CFAP99: variants seen among roughly 807,000 people sequenced by gnomAD.
CFAP99 encodes cilia and flagella associated protein 99, also known as cilia- and flagella-associated protein 99.
CFAP99 carries 84 observed loss-of-function variants against 82.7 expected under a neutral mutation model. The observed-to-expected ratio is 1.02, with a 90% confidence interval of 0.85 to 1.22. The LOEUF (loss-of-function observed/expected upper bound fraction) is 1.22, where lower values mean the gene tolerates loss of function less well. Ranked by LOEUF, CFAP99 falls within the 50% of genes most tolerant of loss-of-function variation. The pLI is 0.00. For synonymous variants in CFAP99, 456 were observed against 429.5 expected (o/e 1.06, Z -0.76); for missense variants, 1,059 against 983.5 (o/e 1.08, Z -1.03).
intron 8 of CFAP99, 155 bp downstream of exon 8, chr4:2,450,160 C>G (rs1734269875): frequency 2.6e-6 from 2 of 758,458 alleles, no homozygotes; most frequent in African/African-American, 3.4e-5. Flanking sequence ...GGAAAGTGTG[C>G]CTTGAGCCCA....
intron 4 of CFAP99, 36 bp downstream of exon 4, chr4:2,438,200 C>A: frequency 7.9e-7 from 1 of 1,266,652 alleles, no homozygotes. Context: ...GGCCACGAGG[C>A]CCACGGGTGA....
At chr4:2,456,521 ATGTT>A (rs1361744890) in intron 11 of CFAP99, among the ~76,000 whole-genome samples, 17 of 152,120 alleles carry the variant, frequency 1.1e-4, no homozygotes, top group Non-Finnish European at 2.4e-4. Flanking sequence ...TACAAAAAAA[ATGTT>A]TGTTTGTTTT....
At chr4:2,455,397 G>A (rs970224600) in intron 11 of CFAP99, among the ~76,000 whole-genome samples, 5 of 152,220 alleles carry the variant, frequency 3.3e-5, no homozygotes, top group Non-Finnish European at 7.3e-5. Flanking sequence ...TCTTGGCTGG[G>A]TGTGGTGGCT....
intron 2 of CFAP99, among the ~76,000 whole-genome samples, chr4:2,433,422 C>T (rs1413738272): frequency 1.4e-5 from 2 of 141,710 alleles, no homozygotes; most frequent in African/African-American, 3.0e-5. Context: ...GTCAGTTACA[C>T]GGGGCGGGGG....
intron 2 of CFAP99, among the ~76,000 whole-genome samples, chr4:2,431,164 C>T (rs1288430246): frequency 3.3e-5 from 5 of 151,344 alleles, no homozygotes; most frequent in South Asian, 2.1e-4. Flanking sequence ...GTCAGGAGAT[C>T]GAGACCATCC....
At chr4:2,451,944 G>A (rs1734311557) in intron 10 of CFAP99, among the ~76,000 whole-genome samples, 198 bp from the exon 11 acceptor site, 1 of 151,914 alleles carries the variant, frequency 6.6e-6, no homozygotes, top group South Asian at 2.1e-4. Flanking sequence ...GGGCTGATGG[G>A]TGGACGCACA....
At chr4:2,460,863 C>T (rs982478803) in intron 14 of CFAP99, among the ~76,000 whole-genome samples, 2 of 152,162 alleles carry the variant, frequency 1.3e-5, no homozygotes, top group African/African-American at 4.8e-5. Context: ...CTCAGCCTCC[C>T]AAGTAGCTGG....
At chr4:2,425,782 C>G in intron 1 of CFAP99, among the ~76,000 whole-genome samples, 1 of 152,102 alleles carries the variant, frequency 6.6e-6, no homozygotes. Flanking sequence ...CAGCCTCCCC[C>G]TAGGCAGCTT....
intron 1 of CFAP99, among the ~76,000 whole-genome samples, chr4:2,425,523 G>A (rs1324465684): frequency 1.3e-5 from 2 of 152,122 alleles, no homozygotes; most frequent in Non-Finnish European, 2.9e-5. Context: ...GAGGAGAGGT[G>A]CTCCCACTGT....
chr4:2,425,030 A>G (rs1293876361), intron 1 of CFAP99, among the ~76,000 whole-genome samples: 1 of 152,092 alleles, frequency 6.6e-6, no homozygotes, highest in African/African-American at 2.4e-5. Context: ...CTATAGCTTC[A>G]TCTTTTTCTA....
intron 4 of CFAP99, among the ~76,000 whole-genome samples, chr4:2,440,371 C>G (rs1191116613): frequency 6.7e-6 from 1 of 150,156 alleles, no homozygotes; most frequent in African/African-American, 2.5e-5. Context: ...TGGTCTCGAT[C>G]TCCTGACCTC....
In CFAP99 at chr4:2,431,260, T is replaced by C. The variant is rs536536440; in HGVS notation, c.111+4674T>C. Among the ~76,000 whole-genome samples the C allele has an allele frequency of 1.6e-3, 241 of 151,678 alleles. 2 individuals are homozygous for C. Among genetic ancestry groups the C allele is most frequent in the African/African-American group, 5.7e-3 (236 of 41,264 alleles). ...GGCGGGTGCCTGTGGTCCCAGCTACTCGGGAGGCTGAGGTAGGAGAATGGC... is the reference window on the plus strand; with the variant it reads ...GGCGGGTGCCTGTGGTCCCAGCTACCCGGGAGGCTGAGGTAGGAGAATGGC... On this transcript the variant is annotated intron_variant, in intron 2 of 14. Transcript: ENST00000635017.
Position 2,462,373 on chromosome 4 carries a change from C to A in CFAP99, c.1662-70C>A. 7.4e-7 allele frequency: 1 copy of A among 1,344,796 alleles called. No individual in the cohort carries two copies. The highest frequency in any genetic ancestry group is 9.5e-7 in the Non-Finnish European group (1 of 1,050,344). The allele number at this position is 1,344,796 out of a possible 1,614,324, so 83.3% of individuals were successfully genotyped here. A position where few individuals can be genotyped will look rare whatever the true frequency, so the allele number is the denominator to read the frequency against. On this transcript the variant is annotated intron_variant, in intron 14 of 14. Transcript: ENST00000635017. This position sits in a 1 kb window ranked among gnomAD's most constrained non-coding sequence, Gnocchi z 4.1. ...TCCTTGCCCCCGCGTCGCTTGGACACGGGTGGCATCCTGGGTCTGGCCTGG... is the reference window on the plus strand; with the variant it reads ...TCCTTGCCCCCGCGTCGCTTGGACAAGGGTGGCATCCTGGGTCTGGCCTGG...
Position 2,462,554 on chromosome 4 carries a change from G to A in CFAP99, c.1773G>A (p.Gln591=). The A allele has an allele frequency of 6.8e-7, 1 of 1,463,832 alleles. No homozygotes were observed. Among genetic ancestry groups the A allele is most frequent in the Non-Finnish European group, 9.0e-7 (1 of 1,114,502 alleles). The allele number at this position is 1,463,832 out of a possible 1,614,324, so 90.7% of individuals were successfully genotyped here. A position where few individuals can be genotyped will look rare whatever the true frequency, so the allele number is the denominator to read the frequency against. Residue 591 remains glutamine (Q), a synonymous_variant, in exon 15 of 15, where the codon CAG becomes CAA. Coordinates refer to ENST00000635017, the Ensembl canonical transcript of CFAP99. This position sits in a 1 kb window ranked among gnomAD's most constrained non-coding sequence, Gnocchi z 4.1. ...AGAGGGCGGCCGAGCGCAGCAGGCA[G>A]GCGGCCTTGCTGCACGTGTCGGCGC...
At chr4:2,442,434 C>T (rs1578473519) in intron 4 of CFAP99, among the ~76,000 whole-genome samples, 2 of 152,002 alleles carry the variant, frequency 1.3e-5, no homozygotes, top group South Asian at 2.1e-4. Flanking sequence ...CGTGGAGGCC[C>T]GAGGGGAGGC....
chr4:2,432,810 G>C (rs1000338792), intron 2 of CFAP99, among the ~76,000 whole-genome samples: 3 of 152,198 alleles, frequency 2.0e-5, no homozygotes, highest in Admixed American at 1.3e-4. Context: ...GCAGCCACAG[G>C]CCGGTCTCAG....
At chr4:2,459,933 A>T (rs1327675374) in intron 13 of CFAP99, 104 bp from the exon 14 acceptor site, 1 of 983,618 alleles carries the variant, frequency 1.0e-6, no homozygotes, top group Admixed American at 2.0e-5. Context: ...AAGCAGAGGG[A>T]AGGTGGGCAA....
chr4:2,460,989 G>T (rs1389479753), intron 14 of CFAP99, among the ~76,000 whole-genome samples: 1 of 152,134 alleles, frequency 6.6e-6, no homozygotes, highest in African/African-American at 2.4e-5. Flanking sequence ...TGCCCGCCTT[G>T]GCCTCCCAAA....
exon 3 of CFAP99, chr4:2,436,978 T>A (rs1238125879): frequency 6.5e-7 from 1 of 1,535,920 alleles, no homozygotes; most frequent in Non-Finnish European, 8.7e-7. Context: ...ACGTGGAGGA[T>A]GGCCGACTCT....
Sources: gnomAD v4.1 joint callset for allele counts (sites outside exome capture counted in the v4.1 genomes callset) on GRCh38, gnomAD v4.1.1 for gene constraint, Gnocchi (gnomAD v3.1) non-coding constraint, MANE v1.5 for transcripts, NCBI Gene and HGNC (gene_info 2026-07-23, HGNC 2026-07-21) for gene names.